PDLIM3: variants seen among roughly 807,000 people sequenced by gnomAD.
PDLIM3 encodes the protein PDZ and LIM domain 3.
A neutral mutation model predicts 37.3 loss-of-function variants in PDLIM3; 36 were observed. The observed-to-expected ratio is 0.97, with a 90% CI of 0.74 to 1.28. The LOEUF (loss-of-function observed/expected upper bound fraction) is 1.28, where lower values mean the gene tolerates loss of function less well. Ranked by LOEUF, PDLIM3 falls within the 50% of genes most tolerant of loss-of-function variation. The pLI is 0.00. For missense variants in PDLIM3, 454 were observed against 485.0 expected (o/e 0.94, Z 0.60); for synonymous variants, 174 against 182.4 (o/e 0.95, Z 0.37).
chr4:185,508,891 C>T (rs1251600469), intron 4 of PDLIM3, among the ~76,000 whole-genome samples: 1 of 152,168 alleles, frequency 6.6e-6, no homozygotes, highest in Non-Finnish European at 1.5e-5. Flanking sequence ...TGCAGCTATC[C>T]TCACTTTTTA....
chr4:185,531,254 ATTC>A (rs1320513771), intron 1 of PDLIM3, among the ~76,000 whole-genome samples: 1 of 151,426 alleles, frequency 6.6e-6, no homozygotes, highest in Non-Finnish European at 1.5e-5. Context: ...GAACCTTCAA[ATTC>A]TTCTGTGAAA....
intron 7 of PDLIM3, 119 bp from the exon 8 acceptor site, chr4:185,502,602 T>G: frequency 1.1e-6 from 1 of 901,610 alleles, no homozygotes; most frequent in Non-Finnish European, 1.8e-6. Context: ...AACAATGGCC[T>G]CCAGCTGTGA....
intron 3 of PDLIM3, among the ~76,000 whole-genome samples, chr4:185,519,549 A>T (rs961921215): frequency 2.0e-5 from 3 of 152,102 alleles, no homozygotes; most frequent in African/African-American, 7.2e-5. Context: ...GGCCTCCCAA[A>T]GTGCTGGGAC....
At chr4:185,506,427 A>C (rs954136008) in intron 6 of PDLIM3, 95 bp downstream of exon 6, 3 of 1,522,070 alleles carry the variant, frequency 2.0e-6, no homozygotes, top group African/African-American at 1.4e-5. Flanking sequence ...ACCAAGTTTT[A>C]GACTTTCATT....
rs763091492 is a variant in PDLIM3 at position 185,514,665 on chromosome 4, T to A, written c.331-328A>T. The A allele has an allele frequency of 1.3e-6, 2 of 1,524,160 alleles. No individual in the cohort carries two copies. The highest frequency in any genetic ancestry group is 4.2e-5 in the Admixed American group (2 of 48,066). 94.4% of individuals were successfully genotyped at this position (1,524,160 alleles called of 1,614,324 possible). ...AAGAAAAGAAACCATGCTATCACTG[T>A]TAGGTACACTGTGGCCAGAACAGAG... On this transcript the variant is annotated intron_variant, in intron 3 of 7. Transcript: ENST00000284767. This position sits in a 1 kb window ranked among gnomAD's most constrained non-coding sequence, Gnocchi z 4.0.
Position 185,514,700 on chromosome 4 carries a change from T to C in PDLIM3, c.331-363A>G. On this transcript the variant is annotated intron_variant, in intron 3 of 7. Coordinates refer to ENST00000284767, the MANE Select transcript of PDLIM3 (RefSeq NM_014476.6). The surrounding 1 kb of genome is among the most constrained non-coding windows in gnomAD (Gnocchi z 4.0). ...TGTGGCCAGAACAGAGCCGGATACTTACTTTTGAGGTGAGCTAGGAATGAG... is the reference window on the plus strand; with the variant it reads ...TGTGGCCAGAACAGAGCCGGATACTCACTTTTGAGGTGAGCTAGGAATGAG... 6.4e-7 allele frequency: 1 copy of C among 1,551,580 alleles called. No individual in the cohort carries two copies. Among genetic ancestry groups the C allele is most frequent in the Non-Finnish European group, 8.7e-7 (1 of 1,146,750 alleles).
intron 3 of PDLIM3, among the ~76,000 whole-genome samples, chr4:185,519,787 T>C (rs753877414): frequency 1.2e-4 from 19 of 152,212 alleles, no homozygotes; most frequent in Non-Finnish European, 4.4e-5. Context: ...TTTATTCCAA[T>C]GTCAAAGGTC....
chr4:185,513,930 G>T, intron 4 of PDLIM3: 2 of 1,206,090 alleles, frequency 1.7e-6, no homozygotes, highest in East Asian at 5.2e-5. Context: ...GCTCCTGCTG[G>T]CAGGGCTTTC....
At chr4:185,517,419 G>T (rs1580253271) in intron 3 of PDLIM3, 1 of 119,528 alleles carries the variant, frequency 8.4e-6, no homozygotes, top group Non-Finnish European at 1.6e-5. Context: ...AAATAGAATT[G>T]AATTAATAAA....
At position 185,525,103 on chromosome 4, in the gene PDLIM3, GC is replaced by G; in HGVS notation, c.161del (p.Gly54AlafsTer7). The G allele has an allele frequency of 6.2e-7, 1 of 1,614,152 alleles. No homozygotes were observed. The highest frequency in any genetic ancestry group is 1.3e-5 in the African/African-American group (1 of 75,050). On this transcript the variant is annotated frameshift_variant, in exon 2 of 8. Coordinates refer to ENST00000284767, the MANE Select transcript of PDLIM3 (RefSeq NM_014476.6). LOFTEE classifies it high-confidence loss of function. ...CPGDVILAID[G>X]FGTESMTHAD... ...CATGAGTCATGGACTCTGTCCCAAA[GC>G]CGTCAATAGCCAGGATGACATCTCC...
intron 1 of PDLIM3, 98 bp downstream of exon 1, chr4:185,535,244 G>A: frequency 9.0e-7 from 1 of 1,115,900 alleles, no homozygotes; most frequent in South Asian, 1.4e-5. Flanking sequence ...GCCCTCGCGC[G>A]CTTTCTGGCC....
Position 185,523,394 on chromosome 4 carries a change from G to T in PDLIM3, c.298C>A (p.Pro100Thr). ...PQVSEDGKAH[P>T]FKINLESEPQ... ...TCTGATTCTAAGTTGATTTTGAAAG[G>T]ATGGGCTTTCCCATCTTCAGATACT... Residue 100 changes from proline (P) to threonine (T), a missense_variant, in exon 3 of 8, where the codon CCT becomes ACT. Coordinates refer to ENST00000284767, the MANE Select transcript of PDLIM3 (RefSeq NM_014476.6). 1 of 1,611,848 alleles carries T rather than the reference G, an allele frequency of 6.2e-7. No individual in the cohort carries two copies. The highest frequency in any genetic ancestry group is 1.7e-4 in the Middle Eastern group (1 of 6,056).
Position 185,514,477 on chromosome 4 carries a change from G to C in PDLIM3, c.331-140C>G, listed in dbSNP as rs1282955678. The C allele has an allele frequency of 1.3e-6, 2 of 1,528,156 alleles. No homozygotes were observed. Among genetic ancestry groups the C allele is most frequent in the Non-Finnish European group, 1.8e-6 (2 of 1,119,182 alleles). The allele number at this position is 1,528,156 out of a possible 1,614,324, so 94.7% of individuals were successfully genotyped here. The stretch of plus-strand genomic sequence containing the variant: ...ACTAAGAAAGGCGATGACGGGACCA[G>C]GACGATGTCTTCTTTCCAACCATCT... On this transcript the variant is annotated intron_variant, in intron 3 of 7. Transcript: ENST00000284767. This position sits in a 1 kb window ranked among gnomAD's most constrained non-coding sequence, Gnocchi z 4.0.
intron 3 of PDLIM3, among the ~76,000 whole-genome samples, chr4:185,520,366 C>T (rs1027678589): frequency 3.5e-4 from 53 of 152,112 alleles, no homozygotes; most frequent in Admixed American, 3.1e-3. Flanking sequence ...TTAGTCATGA[C>T]GCAAAGTCAT....
chr4:185,501,522 G>A lies in PDLIM3; in HGVS notation c.*772C>T, dbSNP rs1256939895. ...TTAAATTGAAAGAGTCTCTGTTGAA[G>A]CAAGTGAAACTTTTAATTTGAAAGA... On this transcript the variant is annotated 3_prime_UTR_variant, in exon 8 of 8. Coordinates refer to ENST00000284767, the MANE Select transcript of PDLIM3 (RefSeq NM_014476.6). The A allele has an allele frequency of 6.6e-6, 1 of 152,238 alleles. No individual in the cohort carries two copies. Among genetic ancestry groups the A allele is most frequent in the Non-Finnish European group, 1.5e-5 (1 of 68,070 alleles). The allele number at this position is 152,238 out of a possible 1,614,324, so 9.4% of individuals were successfully genotyped here. A position where few individuals can be genotyped will look rare whatever the true frequency, so the allele number is the denominator to read the frequency against.
Position 185,504,018 on chromosome 4 carries a change from C to G in PDLIM3, c.905+457G>C, listed in dbSNP as rs1580232291. ...ATATTTTGTTTCAACATTTGTGTAA[C>G]TTACACTGGGTAAGGATAATGTATT... On this transcript the variant is annotated intron_variant, in intron 7 of 7. Transcript: ENST00000284767. The surrounding 1 kb of genome is among the most constrained non-coding windows in gnomAD (Gnocchi z 4.7). 6.6e-6 allele frequency among the ~76,000 whole-genome samples: 1 copy of G among 150,612 alleles called. No individual in the cohort carries two copies. Among genetic ancestry groups the G allele is most frequent in the South Asian group, 2.1e-4 (1 of 4,692 alleles).
chr4:185,518,881 A>G (rs1455280225), intron 3 of PDLIM3, among the ~76,000 whole-genome samples: 2 of 152,182 alleles, frequency 1.3e-5, no homozygotes, highest in Non-Finnish European at 2.9e-5. Flanking sequence ...AATCCTTTTT[A>G]TGGAAATGGA....
chr4:185,506,390 CA>C, intron 6 of PDLIM3, 131 bp downstream of exon 6: 1 of 1,234,718 alleles, frequency 8.1e-7, no homozygotes, highest in Non-Finnish European at 1.2e-6. Context: ...TCCTTCTGAG[CA>C]AAAATTCATT....
In PDLIM3 at chr4:185,504,027, G is replaced by A. The variant is rs2095692108; in HGVS notation, c.905+448C>T. Among the ~76,000 whole-genome samples, 1 of 135,622 alleles carries A rather than the reference G, an allele frequency of 7.4e-6. No individual in the cohort carries two copies. The highest frequency in any genetic ancestry group is 1.6e-5 in the Non-Finnish European group (1 of 62,224). 89.0% of individuals were successfully genotyped at this position (135,622 alleles called of 152,430 possible). A position where few individuals can be genotyped will look rare whatever the true frequency, so the allele number is the denominator to read the frequency against. Reference sequence around the variant, plus strand: ...TTCAACATTTGTGTAACTTACACTGGGTAAGGATAATGTATTTTAAGTAAC... The same window carrying A: ...TTCAACATTTGTGTAACTTACACTGAGTAAGGATAATGTATTTTAAGTAAC... On this transcript the variant is annotated intron_variant, in intron 7 of 7. Transcript: ENST00000284767. This position sits in a 1 kb window ranked among gnomAD's most constrained non-coding sequence, Gnocchi z 4.7.
Sources: gnomAD v4.1 joint callset for allele counts (sites outside exome capture counted in the v4.1 genomes callset) on GRCh38, gnomAD v4.1.1 for gene constraint, Gnocchi (gnomAD v3.1) non-coding constraint, MANE v1.5 for transcripts, NCBI Gene and HGNC (gene_info 2026-07-23, HGNC 2026-07-21) for gene names.